The following LRFN2 variants were observed in gnomAD, a reference collection of about 807,000 sequenced individuals.
LRFN2 encodes the protein leucine-rich repeat and fibronectin type-III domain-containing protein 2.
In LRFN2, 18 loss-of-function variants were observed where a neutral mutation model predicts 37.3. That is an observed-to-expected ratio of 0.48 (90% CI 0.33 to 0.72). LRFN2 has a LOEUF of 0.72. Among genes scored for constraint, LRFN2 ranks in the 30% least tolerant of loss-of-function variants. LRFN2 has a pLI of 0.02. For missense variants in LRFN2, 1,006 were observed against 1,060.7 expected, an observed-to-expected ratio of 0.95 and a Z score of 0.72; for synonymous variants, 556 against 466.6, an observed-to-expected ratio of 1.19 and a Z score of -2.47.
intron 2 of LRFN2, among the ~76,000 whole-genome samples, chr6:40,401,087 T>C (rs1762729399): frequency 1.4e-5 from 2 of 146,948 alleles, no homozygotes; most frequent in Admixed American, 1.3e-4. Flanking sequence ...TCCTCTTTTC[T>C]AATGGAACAG....
rs1206408006 is a variant in LRFN2 at position 40,392,520 on chromosome 6, C to T, written c.1793G>A (p.Gly598Asp). Residue 598 changes from glycine to aspartate, a missense_variant, in exon 3 of 3, where the codon GGC becomes GAC. Physicochemically the swap from Gly to Asp is moderately conservative, Grantham distance 94. This residue lies in a region of LRFN2 where 398 missense variants were observed against 327.6 expected (regional missense o/e 1.21). Coordinates refer to ENST00000338305, the MANE Select transcript of LRFN2 (RefSeq NM_020737.3). The surrounding 1 kb of genome is among the most constrained non-coding windows in gnomAD (Gnocchi z 4.7). ...SSAPAGAPPQ[G>D]PPKVVVRNEL... Reference sequence around the variant, plus strand: ...GTTGCGCACCACCACCTTCGGCGGGCCCTGCGGCGGGGCCCCGGCTGGTGC... The same window carrying T: ...GTTGCGCACCACCACCTTCGGCGGGTCCTGCGGCGGGGCCCCGGCTGGTGC... 1.9e-6 allele frequency: 3 copies of T among 1,589,972 alleles called. No individual in the cohort carries two copies. The highest frequency in any genetic ancestry group is 3.5e-5 in the Admixed American group (2 of 57,428).
intron 1 of LRFN2, among the ~76,000 whole-genome samples, chr6:40,548,801 A>G (rs968933615): frequency 2.0e-5 from 3 of 152,212 alleles, no homozygotes; most frequent in Non-Finnish European, 4.4e-5. Flanking sequence ...TACATCTGCT[A>G]GAGCTGCTAT....
chr6:40,393,566 A>G (rs566861343), intron 2 of LRFN2, among the ~76,000 whole-genome samples: 11 of 152,130 alleles, frequency 7.2e-5, no homozygotes, highest in African/African-American at 2.4e-4. Context: ...GAGAGGTTAA[A>G]GTGTGAAGAA....
chr6:40,585,381 G>A (rs1767482010), intron 1 of LRFN2, among the ~76,000 whole-genome samples: 1 of 152,164 alleles, frequency 6.6e-6, no homozygotes, highest in Non-Finnish European at 1.5e-5. Flanking sequence ...ATCAGCAGAA[G>A]GGCCCAGGCA....
At chr6:40,552,392 G>A (rs1766793060) in intron 1 of LRFN2, among the ~76,000 whole-genome samples, 1 of 152,200 alleles carries the variant, frequency 6.6e-6, no homozygotes, top group Admixed American at 6.5e-5. Context: ...TCCCAGTGAT[G>A]CCAGTGCTTC....
chr6:40,469,094 C>G (rs1281758553), intron 1 of LRFN2, among the ~76,000 whole-genome samples: 1 of 152,110 alleles, frequency 6.6e-6, no homozygotes, highest in African/African-American at 2.4e-5. Context: ...AATCCCATGA[C>G]AAATGCCCTT....
chr6:40,460,730 C>A (rs1473778758), intron 1 of LRFN2, among the ~76,000 whole-genome samples: 1 of 152,142 alleles, frequency 6.6e-6, no homozygotes, highest in Non-Finnish European at 1.5e-5. Flanking sequence ...AGAAAGCCCC[C>A]TCCATAGCCC....
chr6:40,489,538 G>A (rs368943249), intron 1 of LRFN2, among the ~76,000 whole-genome samples: 1 of 152,160 alleles, frequency 6.6e-6, no homozygotes, highest in African/African-American at 2.4e-5. Context: ...ACACACAGGG[G>A]AGGAGATGGG....
intron 1 of LRFN2, among the ~76,000 whole-genome samples, chr6:40,515,588 C>A (rs1765842625): frequency 6.6e-6 from 1 of 152,180 alleles, no homozygotes; most frequent in East Asian, 1.9e-4. Flanking sequence ...ACACTCCACA[C>A]ACTTAACCTA....
chr6:40,540,280 G>A (rs1402154680), intron 1 of LRFN2, among the ~76,000 whole-genome samples: 2 of 152,212 alleles, frequency 1.3e-5, no homozygotes, highest in East Asian at 3.9e-4. Context: ...TTTTGTAAAT[G>A]TTGCTGATTG....
intron 1 of LRFN2, among the ~76,000 whole-genome samples, chr6:40,538,222 A>T (rs546038108): frequency 1.1e-4 from 17 of 152,296 alleles, no homozygotes; most frequent in African/African-American, 3.8e-4. Flanking sequence ...TGAGGGGGCT[A>T]CCTGGGAAGA....
intron 1 of LRFN2, among the ~76,000 whole-genome samples, chr6:40,577,608 G>C (rs59902594): frequency 2.3e-5 from 2 of 88,754 alleles, no homozygotes; most frequent in African/African-American, 9.9e-5. Context: ...CACAGTCCCC[G>C]GAGTGTGATA....
chr6:40,414,200 C>T (rs1763043369), intron 2 of LRFN2, among the ~76,000 whole-genome samples: 1 of 152,110 alleles, frequency 6.6e-6, no homozygotes, highest in Non-Finnish European at 1.5e-5. Context: ...GAATCGTAAC[C>T]CTGCCTCCCA....
intron 1 of LRFN2, among the ~76,000 whole-genome samples, chr6:40,491,075 T>C (rs1319745776): frequency 2.6e-5 from 4 of 152,118 alleles, no homozygotes; most frequent in Admixed American, 2.0e-4. Context: ...GAGATGGCGG[T>C]CACGTAGGGT....
At chr6:40,454,632 C>T (rs1173174699) in intron 1 of LRFN2, among the ~76,000 whole-genome samples, 1 of 152,164 alleles carries the variant, frequency 6.6e-6, no homozygotes, top group African/African-American at 2.4e-5. Flanking sequence ...ACCTGGGGCC[C>T]CTTCCTTGTT....
intron 1 of LRFN2, among the ~76,000 whole-genome samples, chr6:40,486,344 G>C (rs1014295425): frequency 6.6e-6 from 1 of 152,162 alleles, no homozygotes; most frequent in South Asian, 2.1e-4. Context: ...AAGACCCCTG[G>C]GCTAATGAGT....
chr6:40,482,911 C>T (rs573838833), intron 1 of LRFN2, among the ~76,000 whole-genome samples: 41 of 152,318 alleles, frequency 2.7e-4, no homozygotes, highest in South Asian at 8.3e-4. Flanking sequence ...ATGACTAGGG[C>T]GCCTAAGGGG....
At chr6:40,415,210 TTTTTGTTTTG>T (rs5875718) in intron 2 of LRFN2, among the ~76,000 whole-genome samples, 60 of 150,162 alleles carry the variant, frequency 4.0e-4, no homozygotes, top group Non-Finnish European at 5.9e-4. Context: ...CTTTTACTTG[TTTTTGTTTTG>T]TTTTGTTTTG....
Position 40,568,418 on chromosome 6 carries a change from G to A in LRFN2, c.-19+18523C>T, listed in dbSNP as rs78028784. Among the ~76,000 whole-genome samples the A allele has an allele frequency of 8.2e-3, 1,254 of 152,318 alleles. 21 individuals carry two copies. The highest frequency in any genetic ancestry group is 0.028 in the African/African-American group (1,181 of 41,570). ...CTCTGCATCAAGGAGACTCTTAGAC[G>A]GTTCTCAGGTTTTATCAACAGCAGC... On this transcript the variant is annotated intron_variant, in intron 1 of 2. Coordinates refer to ENST00000338305, the MANE Select transcript of LRFN2 (RefSeq NM_020737.3).
Sources: gnomAD v4.1 joint callset for allele counts (sites outside exome capture counted in the v4.1 genomes callset) on GRCh38, gnomAD v4.1.1 for gene constraint, gnomAD v4.1.1 regional missense constraint, Gnocchi (gnomAD v3.1) non-coding constraint, MANE v1.5 for transcripts, NCBI Gene and HGNC (gene_info 2026-07-23, HGNC 2026-07-21) for gene names.